The following RAPGEF4 variants were observed in gnomAD, a reference collection of about 807,000 sequenced individuals.
RAPGEF4 encodes the protein Rap guanine nucleotide exchange factor 4, also known as RAP guanine-nucleotide-exchange factor (GEF) 4.
A neutral mutation model predicts 147.9 loss-of-function variants in RAPGEF4; 66 were observed. The ratio of observed to expected loss-of-function variants is 0.45; its 90% CI spans 0.37 to 0.55. The LOEUF (loss-of-function observed/expected upper bound fraction) is 0.55. RAPGEF4 is among the 20% of genes least tolerant of loss of function. The pLI, the probability that RAPGEF4 is intolerant of heterozygous loss-of-function variation, is 0.00. For missense variants in RAPGEF4, 1,071 were observed against 1,257.3 expected, an observed-to-expected ratio of 0.85 and a Z score of 2.24; for synonymous variants, 419 against 442.7, an observed-to-expected ratio of 0.95 and a Z score of 0.67.
chr2:172,858,134 TAAC>T (rs1368481853), intron 4 of RAPGEF4, among the ~76,000 whole-genome samples: 2 of 152,208 alleles, frequency 1.3e-5, no homozygotes, highest in Non-Finnish European at 2.9e-5. Context: ...TTTCAAAGCC[TAAC>T]AACAAGACCA....
At chr2:172,981,570 C>T (rs1691687367) in intron 10 of RAPGEF4, among the ~76,000 whole-genome samples, 2 of 152,218 alleles carry the variant, frequency 1.3e-5, no homozygotes, top group Non-Finnish European at 2.9e-5. Flanking sequence ...GGAGGTGAAC[C>T]TGGCTAGCAT....
intron 4 of RAPGEF4, among the ~76,000 whole-genome samples, chr2:172,865,079 C>CAG (rs1164103278): frequency 2.0e-5 from 3 of 152,238 alleles, no homozygotes; most frequent in Admixed American, 6.5e-5. Flanking sequence ...TCTCTTGCCT[C>CAG]CAGCCAGGCT....
intron 6 of RAPGEF4, among the ~76,000 whole-genome samples, chr2:172,950,858 A>G (rs1254738633): frequency 6.6e-6 from 1 of 152,216 alleles, no homozygotes; most frequent in African/African-American, 2.4e-5. Flanking sequence ...ACTAGATCCA[A>G]TCTTTAGAAA....
intron 4 of RAPGEF4, 39 bp from the exon 5 acceptor site, chr2:172,917,763 T>C (rs1684231164): frequency 1.3e-6 from 2 of 1,531,740 alleles, no homozygotes; most frequent in African/African-American, 2.7e-5. Flanking sequence ...TCAAAGCAAG[T>C]AAATATCTGT....
At chr2:172,850,767 A>C (rs1009848346) in intron 4 of RAPGEF4, among the ~76,000 whole-genome samples, 1 of 152,222 alleles carries the variant, frequency 6.6e-6, no homozygotes, top group Non-Finnish European at 1.5e-5. Flanking sequence ...GGACACATCA[A>C]TGTAATTATT....
At chr2:172,935,272 C>T (rs997472585) in intron 6 of RAPGEF4, among the ~76,000 whole-genome samples, 1 of 152,190 alleles carries the variant, frequency 6.6e-6, no homozygotes, top group Non-Finnish European at 1.5e-5. Context: ...GCTTCTTCCC[C>T]AGCCTAGAAA....
At chr2:173,022,760 T>C (rs1471487855) in intron 23 of RAPGEF4, among the ~76,000 whole-genome samples, 2 of 152,194 alleles carry the variant, frequency 1.3e-5, no homozygotes, top group Non-Finnish European at 2.9e-5. Flanking sequence ...TAGCCTTAAA[T>C]TGTGTGGTCT....
At chr2:172,809,437 C>G (rs895881808) in intron 3 of RAPGEF4, among the ~76,000 whole-genome samples, 21 of 152,142 alleles carry the variant, frequency 1.4e-4, no homozygotes, top group African/African-American at 5.1e-4. Flanking sequence ...GGCAGAGACT[C>G]TGAAAGACAG....
intron 17 of RAPGEF4, among the ~76,000 whole-genome samples, chr2:173,005,993 G>A (rs1246508588): frequency 6.6e-6 from 1 of 152,094 alleles, no homozygotes; most frequent in Admixed American, 6.5e-5. Flanking sequence ...CTAGCCACTC[G>A]TAGTAATTAG....
chr2:172,913,083 A>G (rs1683628798), intron 4 of RAPGEF4, among the ~76,000 whole-genome samples: 1 of 151,892 alleles, frequency 6.6e-6, no homozygotes, highest in African/African-American at 2.4e-5. Flanking sequence ...GTTAATAGAG[A>G]TGGGGTTTCA....
chr2:172,985,290 T>G, intron 11 of RAPGEF4, 143 bp from the exon 12 acceptor site: 3 of 1,126,476 alleles, frequency 2.7e-6, no homozygotes, highest in Non-Finnish European at 3.9e-6. Context: ...TGATTTTAGA[T>G]GAGAGCAGCA....
At chr2:172,827,414 C>T (rs367576658) in intron 4 of RAPGEF4, among the ~76,000 whole-genome samples, 1 of 152,126 alleles carries the variant, frequency 6.6e-6, no homozygotes, top group Non-Finnish European at 1.5e-5. Context: ...ATTTCAGGTT[C>T]GCTTTCTCTC....
intron 6 of RAPGEF4, among the ~76,000 whole-genome samples, chr2:172,942,793 G>A (rs1461610444): frequency 6.6e-6 from 1 of 152,040 alleles, no homozygotes; most frequent in Non-Finnish European, 1.5e-5. Context: ...CATCCAAAAT[G>A]TTCTCATTTC....
chr2:172,954,869 T>A (rs1263801657), intron 6 of RAPGEF4, among the ~76,000 whole-genome samples: 2 of 152,220 alleles, frequency 1.3e-5, no homozygotes. Context: ...TCATATTATC[T>A]TGTAATTGTT....
intron 4 of RAPGEF4, among the ~76,000 whole-genome samples, chr2:172,877,528 T>TA (rs141097661): frequency 0.21 from 28,052 of 133,044 alleles, 3,196 homozygotes; most frequent in Middle Eastern, 0.29. Flanking sequence ...ACTTAAAGTA[T>TA]AAAAAAAAAA....
rs369143558 is a variant in RAPGEF4 at position 173,041,467 on chromosome 2, A to T, written c.2853+4775A>T. Among the ~76,000 whole-genome samples the T allele has an allele frequency of 1.3e-3, 192 of 152,304 alleles. 2 individuals carry two copies. Among genetic ancestry groups the T allele is most frequent in the South Asian group, 0.01 (50 of 4,820 alleles). ...GTCCAGGCAAAAGAATTTACTAAGA[A>T]ATATAAACATCTAGAAAGTAACCCT... On this transcript the variant is annotated intron_variant, in intron 29 of 30. Coordinates refer to ENST00000397081, the MANE Select transcript of RAPGEF4 (RefSeq NM_007023.4).
intron 4 of RAPGEF4, among the ~76,000 whole-genome samples, chr2:172,896,218 C>G (rs1453611265): frequency 6.6e-6 from 1 of 152,134 alleles, no homozygotes; most frequent in Non-Finnish European, 1.5e-5. Context: ...TTGAAATGTC[C>G]TTATTGAGAT....
chr2:172,831,266 C>CTTTTTTTTTTTTTTTTGTTTTTTTTT lies in RAPGEF4; in HGVS notation c.444+16857_444+16858insGTTTTTTTTTTTTTTTTTTTTTTTTT, dbSNP rs1690284520. ...AAATGTGACTGTTTCAGATAGAAAA[C>CTTTTTTTTTTTTTTTTGTTTTTTTTT]TTTTTTTTTTTTTTTTTTTGAGACA... On this transcript the variant is annotated intron_variant, in intron 4 of 30. Coordinates refer to ENST00000397081, the MANE Select transcript of RAPGEF4 (RefSeq NM_007023.4). 3.7e-5 allele frequency among the ~76,000 whole-genome samples: 2 copies of CTTTTTTTTTTTTTTTTGTTTTTTTTT among 53,876 alleles called. 1 individual carries two copies. The highest frequency in any genetic ancestry group is 1.2e-4 in the African/African-American group (2 of 16,018). 35.3% of individuals were successfully genotyped at this position (53,876 alleles called of 152,430 possible).
intron 4 of RAPGEF4, among the ~76,000 whole-genome samples, chr2:172,857,369 G>T (rs1693543667): frequency 6.6e-6 from 1 of 152,184 alleles, no homozygotes; most frequent in African/African-American, 2.4e-5. Flanking sequence ...GGAACGTATA[G>T]GGCCTTATGG....
Sources: allele counts gnomAD v4.1 joint callset (sites outside exome capture counted in the v4.1 genomes callset), GRCh38; gene constraint gnomAD v4.1.1; transcripts MANE v1.5; gene names NCBI Gene and HGNC (gene_info 2026-07-23, HGNC 2026-07-21).